NBEA: variants seen among roughly 807,000 people sequenced by gnomAD.
NBEA encodes the protein lysosomal-trafficking regulator 2.
A neutral mutation model predicts 343.4 loss-of-function variants in NBEA; 44 were observed. That is an observed-to-expected ratio of 0.13 (90% CI 0.10 to 0.16). The LOEUF (loss-of-function observed/expected upper bound fraction) is 0.16, where lower values mean the gene tolerates loss of function less well. NBEA is among the 10% of genes least tolerant of loss of function. The pLI, the probability that NBEA is intolerant of heterozygous loss-of-function variation, is 1.00. For missense variants in NBEA, 2,555 were observed against 3,631.3 expected, an observed-to-expected ratio of 0.70 and a Z score of 7.62; for synonymous variants, 1,175 against 1,238.7, an observed-to-expected ratio of 0.95 and a Z score of 1.08.
chr13:35,187,418 C>G (rs2071798271), intron 30 of NBEA, among the ~76,000 whole-genome samples: 1 of 151,136 alleles, frequency 6.6e-6, no homozygotes, highest in Non-Finnish European at 1.5e-5. Context: ...GGAAATAACA[C>G]TAATATATAA....
Position 35,110,889 on chromosome 13 carries a change from G to T in NBEA, c.1913G>T (p.Gly638Val). 1.2e-6 allele frequency: 2 copies of T among 1,612,234 alleles called. No homozygotes were observed. The change falls in exon 13 of 59, where the codon GGA becomes GTA. Residue 638 changes from glycine (G) to valine (V), a missense_variant. Around this residue, in one of 21 missense-constraint regions of NBEA, gnomAD observed 360 missense variants for 519.1 expected, o/e 0.69. Coordinates refer to ENST00000379939, the MANE Select transcript of NBEA (RefSeq NM_001385012.1). ...ATIYTTIRRV[G>V]TVLQLMHTLK... ...ATCTACACCACCATACGCAGAGTAG[G>T]AACAGTATTACAGCTAATGCACACC...
intron 36 of NBEA, among the ~76,000 whole-genome samples, chr13:35,325,056 G>C (rs963353429): frequency 1.3e-5 from 2 of 151,946 alleles, no homozygotes; most frequent in Admixed American, 6.6e-5. Flanking sequence ...TGATTTTTTA[G>C]TGCTAACCAG....
At chr13:35,415,337 G>A (rs2043838390) in intron 38 of NBEA, among the ~76,000 whole-genome samples, 1 of 152,222 alleles carries the variant, frequency 6.6e-6, no homozygotes, top group Admixed American at 6.5e-5. Flanking sequence ...GTATTGCCTA[G>A]GTTTTCTTCT....
chr13:35,208,526 C>T (rs1267313755), intron 31 of NBEA, among the ~76,000 whole-genome samples, 174 bp from the exon 32 acceptor site: 1 of 152,124 alleles, frequency 6.6e-6, no homozygotes, highest in East Asian at 1.9e-4. Context: ...ATAATATATC[C>T]TTAATGTCCA....
At position 35,667,527 on chromosome 13, in the gene NBEA, A is replaced by T; in HGVS notation, c.8618A>T (p.Asn2873Ile). Residue 2873 changes from asparagine (N) to isoleucine (I), a missense_variant, in exon 57 of 59, where the codon AAT becomes ATT. Asn to Ile is a moderately radical substitution (Grantham distance 149). Coordinates refer to ENST00000379939, the MANE Select transcript of NBEA (RefSeq NM_001385012.1). ...GGGCGATTCAGTAATTTCAGCATTA[A>T]TGGGAAACTTTTGGCTCAAATGGAG... is the stretch of plus-strand genomic sequence containing the variant. The part of the protein sequence containing the change: ...ERGRFSNFSI[N>I]GKLLAQMEIN... The T allele has an allele frequency of 6.2e-7, 1 of 1,614,028 alleles. No homozygotes were observed. Among genetic ancestry groups the T allele is most frequent in the Non-Finnish European group, 8.5e-7 (1 of 1,179,894 alleles).
At chr13:35,112,995 C>A (rs2066293656) in intron 13 of NBEA, among the ~76,000 whole-genome samples, 1 of 152,074 alleles carries the variant, frequency 6.6e-6, no homozygotes, top group Non-Finnish European at 1.5e-5. Flanking sequence ...TAATAATGTC[C>A]TTTCTAGGAA....
At chr13:35,383,640 C>G (rs1488150244) in intron 38 of NBEA, among the ~76,000 whole-genome samples, 4 of 152,060 alleles carry the variant, frequency 2.6e-5, no homozygotes, top group African/African-American at 9.7e-5. Flanking sequence ...TGCAGGCATC[C>G]TCCTAGCCCA....
intron 49 of NBEA, among the ~76,000 whole-genome samples, chr13:35,633,230 G>A (rs932015786): frequency 6.6e-6 from 1 of 151,358 alleles, no homozygotes; most frequent in Non-Finnish European, 1.5e-5. Flanking sequence ...AGCCTCCCAA[G>A]TAGCTGGGAC....
chr13:35,256,290 A>G (rs1007388876), intron 34 of NBEA, among the ~76,000 whole-genome samples: 1 of 152,204 alleles, frequency 6.6e-6, no homozygotes, highest in African/African-American at 2.4e-5. Context: ...CAAAGTGGAT[A>G]GTTTCTTTCT....
chr13:35,446,274 CAT>C (rs2046037713), intron 39 of NBEA, among the ~76,000 whole-genome samples: 1 of 152,122 alleles, frequency 6.6e-6, no homozygotes, highest in Non-Finnish European at 1.5e-5. Context: ...CCACAATAAA[CAT>C]ACGTGTGCAT....
chr13:35,127,899 C>T lies in NBEA; in HGVS notation c.2336+4325C>T, dbSNP rs1313504927. The stretch of plus-strand genomic sequence containing the variant: ...TATGAAATATCTAAGACCAGTCTTA[C>T]TGTCATTAAAAAAAAATGTAAAAGC... On this transcript the variant is annotated intron_variant, in intron 17 of 58. Coordinates refer to ENST00000379939, the MANE Select transcript of NBEA (RefSeq NM_001385012.1). Among the ~76,000 whole-genome samples, 3 of 151,460 alleles carry T rather than the reference C, an allele frequency of 2.0e-5. No individual in the cohort carries two copies. In the East Asian group the frequency reaches 5.8e-4, roughly 30 times the overall value.
At chr13:35,659,716 A>G (rs1408318661) in intron 55 of NBEA, among the ~76,000 whole-genome samples, 2 of 152,220 alleles carry the variant, frequency 1.3e-5, no homozygotes, top group East Asian at 3.8e-4. Context: ...TCATTGCTTT[A>G]TTAATGTATT....
chr13:35,256,974 G>A (rs1015907841), intron 34 of NBEA, among the ~76,000 whole-genome samples: 1 of 152,190 alleles, frequency 6.6e-6, no homozygotes, highest in East Asian at 1.9e-4. Context: ...AGTGGAGGGA[G>A]CTCCCACCTG....
At chr13:35,056,902 C>CA (rs1177351086) in intron 7 of NBEA, among the ~76,000 whole-genome samples, 1 of 152,084 alleles carries the variant, frequency 6.6e-6, no homozygotes, top group Non-Finnish European at 1.5e-5. Context: ...AGGGAAATTA[C>CA]AGAAGCGGGA....
intron 1 of NBEA, among the ~76,000 whole-genome samples, chr13:34,947,599 C>T (rs2059225609): frequency 6.6e-6 from 1 of 152,074 alleles, no homozygotes. Flanking sequence ...CACATATCAC[C>T]CTGTAGCATT....
intron 1 of NBEA, among the ~76,000 whole-genome samples, chr13:34,985,134 C>T (rs2060499995): frequency 6.6e-6 from 1 of 151,014 alleles, no homozygotes; most frequent in Non-Finnish European, 1.5e-5. Flanking sequence ...AAAAGGAATG[C>T]TTCAAGTTTT....
chr13:35,637,628 C>T (rs2083748755), intron 49 of NBEA, among the ~76,000 whole-genome samples: 1 of 151,972 alleles, frequency 6.6e-6, no homozygotes, highest in South Asian at 2.1e-4. Flanking sequence ...TTGAAACCAG[C>T]TTGGCCAATA....
rs1211814054 is a variant in NBEA, at chr13:35,123,469, A to G, written c.2244-13A>G. 16 of 1,413,386 alleles carry G rather than the reference A, an allele frequency of 1.1e-5. No individual in the cohort carries two copies. The highest frequency in any genetic ancestry group is 1.5e-5 in the Non-Finnish European group (16 of 1,057,996). The allele number at this position is 1,413,386 out of a possible 1,614,324, so 87.6% of individuals were successfully genotyped here. ...TTAGTAAGTTTTTAAAAGATAATTT[A>G]TATATTTTGTAGGGTGATCTACAAA... On this transcript the variant is annotated splice_polypyrimidine_tract_variant and intron_variant, in intron 16 of 58. Coordinates refer to ENST00000379939, the MANE Select transcript of NBEA (RefSeq NM_001385012.1).
chr13:35,445,953 C>T (rs1219434803), intron 39 of NBEA, among the ~76,000 whole-genome samples: 6 of 151,470 alleles, frequency 4.0e-5, no homozygotes, highest in African/African-American at 1.5e-4. Context: ...TCTCCTAATG[C>T]TATCCCTCCC....
Sources: gnomAD v4.1 joint callset for allele counts (sites outside exome capture counted in the v4.1 genomes callset) on GRCh38, gnomAD v4.1.1 for gene constraint, gnomAD v4.1.1 regional missense constraint, MANE v1.5 for transcripts, NCBI Gene and HGNC (gene_info 2026-07-23, HGNC 2026-07-21) for gene names.